PHF19: variants seen among roughly 807,000 people sequenced by gnomAD.
PHF19 encodes polycomb like 3.
In PHF19, 21 loss-of-function variants were observed where a neutral mutation model predicts 79.8. The ratio of observed to expected loss-of-function variants is 0.26; its 90% confidence interval spans 0.19 to 0.38. PHF19 has a LOEUF of 0.38. Ranked by LOEUF, PHF19 falls within the 10% of genes least tolerant of loss-of-function variation. The pLI is 1.00. For missense variants in PHF19, 445 were observed against 744.2 expected, an observed-to-expected ratio of 0.60 and a Z score of 4.68; for synonymous variants, 273 against 296.3, an observed-to-expected ratio of 0.92 and a Z score of 0.81.
Position 120,874,668 on chromosome 9 carries a change from G to T in PHF19, c.74C>A (p.Ala25Asp). The change falls in exon 2 of 15, where the codon GCC becomes GAC. Residue 25 changes from alanine (A) to aspartate (D), a missense_variant. By Grantham distance (126) the Ala-to-Asp change is moderately radical. Coordinates refer to ENST00000373896, the MANE Select transcript of PHF19 (RefSeq NM_015651.3). The surrounding 1 kb of genome is among the most constrained non-coding windows in gnomAD (Gnocchi z 4.5). ...GATSHLPNKG[A>D]LAKVKNNFKD... Reference sequence around the variant, plus strand: ...GAAGTTGTTCTTGACCTTCGCCAGGGCCCCCTTGTTGGGGAGGTGGCTGGT... The same window carrying T: ...GAAGTTGTTCTTGACCTTCGCCAGGTCCCCCTTGTTGGGGAGGTGGCTGGT... The T allele has an allele frequency of 6.2e-7, 1 of 1,613,050 alleles. No individual in the cohort carries two copies. Among genetic ancestry groups the T allele is most frequent in the Non-Finnish European group, 8.5e-7 (1 of 1,179,004 alleles).
upstream of PHF19, chr9:120,877,464 G>A (rs1362016899): frequency 2.2e-5 from 13 of 603,470 alleles, no homozygotes; most frequent in Admixed American, 6.6e-5. Flanking sequence ...CCGCGGGCGC[G>A]CATCCTCCGC....
At position 120,862,086 on chromosome 9, in the gene PHF19, G is replaced by A. The variant is rs1588092735; in HGVS notation, c.1131-81C>T. On this transcript the variant is annotated intron_variant, in intron 11 of 14. Coordinates refer to ENST00000373896, the MANE Select transcript of PHF19 (RefSeq NM_015651.3). This position sits in a 1 kb window ranked among gnomAD's most constrained non-coding sequence, Gnocchi z 4.6. ...TGGCCCAGAGGGAGGCGCCGCAGGG[G>A]CGGGGGTCACAGCAGTTGGGGAGAC... is the stretch of plus-strand genomic sequence containing the variant. The A allele has an allele frequency of 4.1e-6, 4 of 980,602 alleles. No individual in the cohort carries two copies. The highest frequency in any genetic ancestry group is 6.6e-6 in the Non-Finnish European group (4 of 604,316). 60.7% of individuals were successfully genotyped at this position (980,602 alleles called of 1,614,324 possible).
chr9:120,896,544 C>T (rs1429586148), upstream of PHF19, among the ~76,000 whole-genome samples: 2 of 150,206 alleles, frequency 1.3e-5, no homozygotes, highest in African/African-American at 2.5e-5. Flanking sequence ...CTCCGCCTCC[C>T]GGGTTCACGC....
At chr9:120,867,961 ACT>A (rs1325721856) in intron 6 of PHF19, among the ~76,000 whole-genome samples, 2 of 151,684 alleles carry the variant, frequency 1.3e-5, no homozygotes, top group African/African-American at 4.9e-5. Flanking sequence ...AGAATCAAAG[ACT>A]CTTGCCGCAG....
At chr9:120,897,903 T>C (rs2046414937), upstream of PHF19, among the ~76,000 whole-genome samples, 1 of 141,648 alleles carries the variant, frequency 7.1e-6, no homozygotes, top group Non-Finnish European at 1.5e-5. Context: ...TACTTGAGCC[T>C]GGAAGGCAGA....
upstream of PHF19, among the ~76,000 whole-genome samples, chr9:120,897,520 C>T (rs1260551256): frequency 1.3e-5 from 2 of 152,136 alleles, no homozygotes; most frequent in Non-Finnish European, 2.9e-5. Context: ...TCCTCTAGTG[C>T]TATCCAGTGG....
At chr9:120,897,517 G>T (rs1252299327), upstream of PHF19, among the ~76,000 whole-genome samples, 1 of 152,148 alleles carries the variant, frequency 6.6e-6, no homozygotes, top group Non-Finnish European at 1.5e-5. Context: ...AAGTCCTCTA[G>T]TGCTATCCAG....
At chr9:120,863,230 C>CTCT (rs2045588863) in intron 10 of PHF19, among the ~76,000 whole-genome samples, 1 of 149,482 alleles carries the variant, frequency 6.7e-6, no homozygotes, top group Admixed American at 6.6e-5. Context: ...GAGGACTGTC[C>CTCT]ATTGGGAGGG....
chr9:120,868,963 A>ACC lies in PHF19; in HGVS notation c.614+217_614+218dup, dbSNP rs397951771. On this transcript the variant is annotated intron_variant, in intron 6 of 14. Transcript: ENST00000373896. ...CGAGGCCCCACCTCCGCAGCGGCTG[A>ACC]CCCCCCCCTCCCCGAGTCCCGCCCC... 3.7e-4 allele frequency: 62 copies of ACC among 166,802 alleles called. No homozygotes were observed. In the African/African-American group the frequency reaches 4.1e-3, roughly 11 times the overall value. 10.3% of individuals were successfully genotyped at this position (166,802 alleles called of 1,614,324 possible).
chr9:120,895,787 G>T (rs143478360), upstream of PHF19, among the ~76,000 whole-genome samples: 2 of 151,976 alleles, frequency 1.3e-5, no homozygotes. Context: ...CGAGTAGCTG[G>T]GACTACAGGC....
intron 1 of PHF19, among the ~76,000 whole-genome samples, chr9:120,884,409 G>A (rs1206820756): frequency 2.3e-5 from 2 of 87,784 alleles, no homozygotes. Context: ...GTAGGAGAAA[G>A]AGGAAATGTA....
At chr9:120,863,830 G>C (rs1355084772) in intron 10 of PHF19, among the ~76,000 whole-genome samples, 1 of 152,220 alleles carries the variant, frequency 6.6e-6, no homozygotes, top group Non-Finnish European at 1.5e-5. Context: ...CCCCCCTACA[G>C]AGCTGAGCCC....
At chr9:120,861,410 G>C (rs2045520981) in intron 12 of PHF19, among the ~76,000 whole-genome samples, 1 of 152,206 alleles carries the variant, frequency 6.6e-6, no homozygotes, top group Non-Finnish European at 1.5e-5. Context: ...TACTTCAACT[G>C]CAAAATGGGG....
rs2045478119 is a variant in PHF19 at position 120,860,167 on chromosome 9, G to C, written c.1323C>G (p.Thr441=). ...QSLKSASSGQ[T]FFSDVDSTDA... ...CGGTGGAGTCGACATCTGAGAAGAA[G>C]GTCTGGCCTGAGCTGGCACTGAGAG... The change falls in exon 14 of 15, where the codon ACC becomes ACG. Residue 441 remains threonine (T), a synonymous_variant. Coordinates refer to ENST00000373896, the MANE Select transcript of PHF19 (RefSeq NM_015651.3). The surrounding 1 kb of genome is among the most constrained non-coding windows in gnomAD (Gnocchi z 4.1). The C allele has an allele frequency of 6.3e-7, 1 of 1,592,162 alleles. No individual in the cohort carries two copies. Among genetic ancestry groups the C allele is most frequent in the African/African-American group, 1.3e-5 (1 of 74,558 alleles).
chr9:120,883,591 T>C (rs1216650468), intron 1 of PHF19, among the ~76,000 whole-genome samples: 1 of 152,024 alleles, frequency 6.6e-6, no homozygotes, highest in African/African-American at 2.4e-5. Flanking sequence ...AAATCCCATC[T>C]CTACCAAAAA....
intron 3 of PHF19, among the ~76,000 whole-genome samples, chr9:120,871,180 C>T (rs972865979): frequency 1.3e-5 from 2 of 152,140 alleles, no homozygotes; most frequent in African/African-American, 2.4e-5. Flanking sequence ...TGGGATTACA[C>T]GCGTGAGCCA....
chr9:120,890,733 C>G lies in PHF19; in HGVS notation c.42+4055G>C, dbSNP rs2233757. ...CATCAGAATGTCAGCTCTCCAAATC[C>G]TATCCTTCCCTCAGCTCAAGTCTGA... On this transcript the variant is annotated intron_variant, in intron 1 of 14. Coordinates refer to the PHF19 transcript ENST00000616568. Among the ~76,000 whole-genome samples the G allele has an allele frequency of 2.6e-5, 4 of 152,220 alleles. No individual in the cohort carries two copies. The South Asian group carries it at 8.3e-4, about 32-fold the overall frequency.
Position 120,866,748 on chromosome 9 carries a change from C to A in PHF19, c.710+122G>T. 1 of 664,232 alleles carries A rather than the reference C, an allele frequency of 1.5e-6. No individual in the cohort carries two copies. The allele number at this position is 664,232 out of a possible 1,614,324, so 41.1% of individuals were successfully genotyped here. On this transcript the variant is annotated intron_variant, in intron 7 of 14. Transcript: ENST00000373896. This position sits in a 1 kb window ranked among gnomAD's most constrained non-coding sequence, Gnocchi z 5.2. The stretch of plus-strand genomic sequence containing the variant: ...GAGCTGCCTCCAGTAAACAGGTAGG[C>A]ATACATTGTCACAGACCTCCTCTTG...
the PHF19 span, chr9:120,903,788 G>A: frequency 1.3e-5 from 2 of 152,170 alleles, no homozygotes; most frequent in Non-Finnish European, 2.9e-5. Context: ...GAGGCAAGCT[G>A]GGGTGGGTCT....
Sources: gnomAD v4.1 joint callset for allele counts (sites outside exome capture counted in the v4.1 genomes callset) on GRCh38, gnomAD v4.1.1 for gene constraint, Gnocchi (gnomAD v3.1) non-coding constraint, MANE v1.5 for transcripts, NCBI Gene and HGNC (gene_info 2026-07-23, HGNC 2026-07-21) for gene names.